The following ZNF516 variants were observed in gnomAD, a reference collection of about 807,000 sequenced individuals.
ZNF516 encodes zinc finger protein 516.
A neutral mutation model predicts 79.7 loss-of-function variants in ZNF516; 19 were observed. The observed-to-expected ratio is 0.24, with a 90% CI of 0.17 to 0.35. ZNF516 has a LOEUF of 0.35. Ranked by LOEUF, ZNF516 falls within the 10% of genes least tolerant of loss-of-function variation. The pLI is 1.00. For missense variants in ZNF516, 1,678 were observed against 1,679.5 expected (o/e 1.00, Z 0.02); for synonymous variants, 877 against 739.5 (o/e 1.19, Z -3.02).
Position 76,378,479 on chromosome 18 carries a change from G to C in ZNF516, c.3259+376C>G, listed in dbSNP as rs1209029470. Among the ~76,000 whole-genome samples the C allele has an allele frequency of 3.3e-5, 5 of 152,212 alleles. No homozygotes were observed. In the East Asian group the frequency reaches 5.8e-4, roughly 18 times the overall value. ...AGGACAATGAACATCTACGGATTCTGTTTAAAATGACAAACACGTGAAGTG... is the reference window on the plus strand; with the variant it reads ...AGGACAATGAACATCTACGGATTCTCTTTAAAATGACAAACACGTGAAGTG... On this transcript the variant is annotated intron_variant, in intron 4 of 6. Transcript: ENST00000443185.
Position 76,380,289 on chromosome 18 carries a change from G to A in ZNF516, c.1825C>T (p.Arg609Cys), listed in dbSNP as rs371323432. The A allele has an allele frequency of 1.3e-5, 21 of 1,613,248 alleles. No homozygotes were observed. Among genetic ancestry groups the A allele is most frequent in the East Asian group, 2.2e-5 (1 of 44,874 alleles). Residue 609 changes from arginine (R) to cysteine (C), a missense_variant, in exon 4 of 7, where the codon CGC becomes TGC. This residue lies in a region of ZNF516 where 1,294 missense variants were observed against 1,248.3 expected (regional missense o/e 1.04). Coordinates refer to ENST00000443185, the MANE Select transcript of ZNF516 (RefSeq NM_014643.4). ...GTCACCTCTTCGGAAAAGCAGCAGC[G>A]GCGCGGCTGTCCCCCTAGAGGAGGC... ...PEPAPGGQPRRCCFSEEVTST... is the reference protein window; with the variant it reads ...PEPAPGGQPRCCCFSEEVTST...
chr18:76,482,165 C>T (rs1914560307), intron 1 of ZNF516, among the ~76,000 whole-genome samples: 2 of 152,144 alleles, frequency 1.3e-5, no homozygotes, highest in Non-Finnish European at 2.9e-5. Flanking sequence ...CAGTGCAACA[C>T]ATCAACGGCC....
chr18:76,479,208 G>C lies in ZNF516; in HGVS notation c.-272+15936C>G, dbSNP rs1379477124. Among the ~76,000 whole-genome samples, 3 of 152,322 alleles carry C rather than the reference G, an allele frequency of 2.0e-5. No homozygotes were observed. The South Asian group carries it at 6.2e-4, about 32-fold the overall frequency. ...ATGACTTCGGGATGTTTGAATAAAA[G>C]GGGCCTTGACTTGGACCTACAGGGC... On this transcript the variant is annotated intron_variant, in intron 1 of 6. Transcript: ENST00000443185.
chr18:76,386,707 T>C (rs1391390588), intron 3 of ZNF516: 3 of 152,180 alleles, frequency 2.0e-5, no homozygotes, highest in East Asian at 1.9e-4. Flanking sequence ...AGGACTTTTA[T>C]CTCGTTCTAC....
chr18:76,411,077 A>G (rs2075367972), intron 3 of ZNF516, among the ~76,000 whole-genome samples: 1 of 152,246 alleles, frequency 6.6e-6, no homozygotes, highest in Non-Finnish European at 1.5e-5. Flanking sequence ...TGTGTTCTTA[A>G]GACAACTGAA....
At chr18:76,446,169 A>G (rs1300992860) in intron 2 of ZNF516, among the ~76,000 whole-genome samples, 24 of 152,042 alleles carry the variant, frequency 1.6e-4, no homozygotes, top group East Asian at 3.9e-4. Context: ...CAGAGAAACA[A>G]TAAGAAGAAG....
chr18:76,488,157 C>A, intron 1 of ZNF516: 1 of 985,308 alleles, frequency 1.0e-6, no homozygotes, highest in East Asian at 1.1e-4. Flanking sequence ...AACGGATGCA[C>A]AGCCTGACAC....
At chr18:76,469,524 G>A (rs907363830) in intron 1 of ZNF516, among the ~76,000 whole-genome samples, 1 of 152,090 alleles carries the variant, frequency 6.6e-6, no homozygotes, top group East Asian at 1.9e-4. Context: ...TTCTTTCAGT[G>A]TAAGAAGAAA....
At chr18:76,455,888 T>C (rs907549943) in intron 2 of ZNF516, among the ~76,000 whole-genome samples, 15 of 152,294 alleles carry the variant, frequency 9.8e-5, no homozygotes, top group African/African-American at 3.6e-4. Flanking sequence ...CTCCAAAGTG[T>C]GCTTCCACCT....
intron 3 of ZNF516, among the ~76,000 whole-genome samples, chr18:76,430,650 TATC>T: frequency 6.6e-6 from 1 of 152,226 alleles, no homozygotes; most frequent in East Asian, 1.9e-4. Flanking sequence ...ACCGTGGAAT[TATC>T]ATTTTAAGTG....
intron 3 of ZNF516, among the ~76,000 whole-genome samples, chr18:76,396,869 T>C (rs2075153907): frequency 6.6e-6 from 1 of 152,192 alleles, no homozygotes; most frequent in Non-Finnish European, 1.5e-5. Flanking sequence ...GAGGAAAAGT[T>C]GTAGCTATAA....
At chr18:76,445,449 C>T (rs1051718211) in intron 2 of ZNF516, among the ~76,000 whole-genome samples, 5 of 152,148 alleles carry the variant, frequency 3.3e-5, no homozygotes, top group African/African-American at 7.2e-5. Context: ...AGGAAAGCCT[C>T]GTCCTTCCCC....
chr18:76,443,715 A>G (rs1160362446), intron 2 of ZNF516, among the ~76,000 whole-genome samples: 1 of 152,198 alleles, frequency 6.6e-6, no homozygotes, highest in African/African-American at 2.4e-5. Flanking sequence ...ATGGGATACG[A>G]GCTGAGAAAT....
chr18:76,380,372 G>C (rs1009060869), intron 3 of ZNF516, 69 bp from the exon 4 acceptor site: 1 of 1,551,152 alleles, frequency 6.4e-7, no homozygotes, highest in Admixed American at 1.8e-5. Context: ...CACACGGTGC[G>C]TACAGCTACA....
At chr18:76,444,988 C>T (rs973517894) in intron 2 of ZNF516, among the ~76,000 whole-genome samples, 35 of 152,186 alleles carry the variant, frequency 2.3e-4, no homozygotes, top group African/African-American at 7.0e-4. Flanking sequence ...AAAGCAGCAA[C>T]ACAGAGGTTC....
intron 4 of ZNF516, among the ~76,000 whole-genome samples, chr18:76,376,702 G>A (rs1297106028): frequency 6.6e-6 from 1 of 152,158 alleles, no homozygotes; most frequent in Non-Finnish European, 1.5e-5. Context: ...GCCACCCACA[G>A]GGCAGCTCAA....
rs751163197 is a variant in ZNF516 at position 76,370,552 on chromosome 18, G to A, written c.3408C>T (p.Thr1136=). The change falls in exon 6 of 7, where the codon ACC becomes ACT. Residue 1136 remains threonine, a synonymous_variant. Transcript: ENST00000443185. The part of the protein sequence containing the change: ...SDGPRGSEVH[T]TSADAPKQGR... ...CTTGTTTGGGGGCGTCTGCGGAGGT[G>A]GTATGAACTTCAGAACCCCGAGGCC... The A allele has an allele frequency of 1.2e-5, 19 of 1,608,160 alleles. No homozygotes were observed. The Admixed American group carries it at 3.2e-4, about 27-fold the overall frequency.
At chr18:76,460,922 C>T (rs536631977) in intron 2 of ZNF516, among the ~76,000 whole-genome samples, 100 of 152,324 alleles carry the variant, frequency 6.6e-4, no homozygotes, top group African/African-American at 2.4e-3. Flanking sequence ...GTGGCTCACG[C>T]CTGTAATCCC....
At chr18:76,390,234 C>T (rs2075051759) in intron 3 of ZNF516, among the ~76,000 whole-genome samples, 1 of 152,148 alleles carries the variant, frequency 6.6e-6, no homozygotes, top group Non-Finnish European at 1.5e-5. Flanking sequence ...AAATATCCCA[C>T]CCCAGGTAGT....
Sources: gnomAD v4.1 joint callset for allele counts (sites outside exome capture counted in the v4.1 genomes callset) on GRCh38, gnomAD v4.1.1 for gene constraint, gnomAD v4.1.1 regional missense constraint, MANE v1.5 for transcripts, NCBI Gene and HGNC (gene_info 2026-07-23, HGNC 2026-07-21) for gene names.